The following FHIT variants were observed in gnomAD, a reference collection of about 807,000 sequenced individuals.
The protein encoded by FHIT is bis(5'-adenosyl)-triphosphatase.
FHIT carries 19 observed loss-of-function variants against 17.9 expected under a neutral mutation model. The observed-to-expected ratio is 1.06, with a 90% CI of 0.74 to 1.56. FHIT has a LOEUF of 1.56. Among genes scored for constraint, FHIT ranks in the 40% most tolerant of loss-of-function variants. The probability of loss-of-function intolerance (pLI) is 0.00; values close to 1 mark genes in which losing one functional copy is unlikely to be tolerated. For synonymous variants in FHIT, 81 were observed against 69.7 expected, an observed-to-expected ratio of 1.16 and a Z score of -0.81; for missense variants, 248 against 189.2, an observed-to-expected ratio of 1.31 and a Z score of -1.82.
At chr3:60,685,538 T>A (rs1466279509) in intron 4 of FHIT, among the ~76,000 whole-genome samples, 1 of 152,170 alleles carries the variant, frequency 6.6e-6, no homozygotes, top group Non-Finnish European at 1.5e-5. Context: ...TGGAGCCATA[T>A]AGAAAATGGT....
intron 3 of FHIT, among the ~76,000 whole-genome samples, chr3:61,027,233 C>T (rs569979452): frequency 6.6e-6 from 1 of 152,098 alleles, no homozygotes; most frequent in East Asian, 1.9e-4. Flanking sequence ...ATTACAGGCG[C>T]CTGCCACCAT....
chr3:60,282,713 G>A (rs1948560), intron 5 of FHIT, among the ~76,000 whole-genome samples: 38,890 of 151,958 alleles, frequency 0.26, 5,682 homozygotes, highest in East Asian at 0.69. Flanking sequence ...AAATGTTATG[G>A]TAAGTCTCTC....
At chr3:59,806,662 A>G (rs1304941885) in intron 8 of FHIT, among the ~76,000 whole-genome samples, 1 of 26,538 alleles carries the variant, frequency 3.8e-5, no homozygotes, top group Non-Finnish European at 1.0e-4. Context: ...ATATATGTAT[A>G]CATATATATG....
At chr3:60,060,251 TAAAG>T (rs1702246043) in intron 5 of FHIT, among the ~76,000 whole-genome samples, 1 of 152,154 alleles carries the variant, frequency 6.6e-6, no homozygotes, top group African/African-American at 2.4e-5. Context: ...AGTTTCTCTG[TAAAG>T]AAAGAAAATC....
At chr3:59,846,868 A>G (rs1397742978) in intron 8 of FHIT, among the ~76,000 whole-genome samples, 1 of 151,994 alleles carries the variant, frequency 6.6e-6, no homozygotes, top group African/African-American at 2.4e-5. Flanking sequence ...TTATTGGCTG[A>G]CAGTTTTTTT....
chr3:60,107,384 T>C (rs927871601), intron 5 of FHIT, among the ~76,000 whole-genome samples: 11 of 152,180 alleles, frequency 7.2e-5, no homozygotes, highest in Admixed American at 6.5e-4. Context: ...AATAACCTAC[T>C]GTTAAAACAC....
intron 5 of FHIT, among the ~76,000 whole-genome samples, chr3:60,458,761 G>A (rs918637231): frequency 6.6e-6 from 1 of 151,844 alleles, no homozygotes; most frequent in Admixed American, 6.6e-5. Flanking sequence ...ATGATATGGG[G>A]GCTATGTGCA....
At chr3:60,618,463 T>C (rs1442804477) in intron 4 of FHIT, among the ~76,000 whole-genome samples, 1 of 152,076 alleles carries the variant, frequency 6.6e-6, no homozygotes, top group African/African-American at 2.4e-5. Context: ...GGCCCCAGTG[T>C]GTGTTGTTCC....
At chr3:59,910,371 CTT>C (rs1704811266) in intron 8 of FHIT, among the ~76,000 whole-genome samples, 1 of 152,186 alleles carries the variant, frequency 6.6e-6, no homozygotes, top group Admixed American at 6.5e-5. Flanking sequence ...AGAGGGGTGA[CTT>C]TTAATAGAAT....
At chr3:60,607,197 C>T (rs2038635598) in intron 4 of FHIT, among the ~76,000 whole-genome samples, 1 of 152,118 alleles carries the variant, frequency 6.6e-6, no homozygotes, top group African/African-American at 2.4e-5. Flanking sequence ...TAAAGCCCTT[C>T]TCCCAGCTGA....
intron 4 of FHIT, among the ~76,000 whole-genome samples, chr3:60,688,206 A>G (rs1464581068): frequency 2.6e-5 from 4 of 152,148 alleles, no homozygotes; most frequent in Non-Finnish European, 5.9e-5. Context: ...TCTTTTCAAC[A>G]TATCAGGTAC....
At chr3:60,139,688 CA>C (rs1559669449) in intron 5 of FHIT, among the ~76,000 whole-genome samples, 1 of 152,076 alleles carries the variant, frequency 6.6e-6, no homozygotes, top group Non-Finnish European at 1.5e-5. Flanking sequence ...GAACATAGCA[CA>C]GTGCCTGGCC....
intron 5 of FHIT, among the ~76,000 whole-genome samples, chr3:60,017,418 C>G (rs1365457251): frequency 6.6e-6 from 1 of 152,126 alleles, no homozygotes; most frequent in African/African-American, 2.4e-5. Context: ...GCATTTTGCC[C>G]CTTCTCATCC....
intron 3 of FHIT, among the ~76,000 whole-genome samples, chr3:60,955,493 T>A (rs1369694112): frequency 1.3e-5 from 2 of 151,642 alleles, no homozygotes; most frequent in African/African-American, 4.9e-5. Context: ...ATGGAAGAAG[T>A]TAGGAAGCAC....
At chr3:60,029,928 T>TGTGTGTGTGA (rs56924673) in intron 5 of FHIT, among the ~76,000 whole-genome samples, 2,225 of 150,974 alleles carry the variant, frequency 0.015, 55 homozygotes, top group African/African-American at 0.049. Flanking sequence ...TGTGTGTGTG[T>TGTGTGTGTGA]ACAAATGTGA....
At chr3:60,931,277 A>C (rs941846130) in intron 3 of FHIT, among the ~76,000 whole-genome samples, 1 of 152,198 alleles carries the variant, frequency 6.6e-6, no homozygotes, top group African/African-American at 2.4e-5. Flanking sequence ...TGATGAGTTA[A>C]TGGGTGCAGC....
At chr3:60,163,380 C>G (rs1448958593) in intron 5 of FHIT, among the ~76,000 whole-genome samples, 1 of 152,138 alleles carries the variant, frequency 6.6e-6, no homozygotes, top group East Asian at 1.9e-4. Flanking sequence ...TGTGAAAAGC[C>G]TGCATGACCC....
intron 5 of FHIT, among the ~76,000 whole-genome samples, chr3:60,304,640 AAC>A (rs370046581): frequency 5.7e-4 from 87 of 152,220 alleles, no homozygotes; most frequent in South Asian, 4.8e-3. Flanking sequence ...TAAATAATAA[AAC>A]AGTTTTAGTA....
chr3:61,029,219 T>A (rs1467447993), intron 3 of FHIT, among the ~76,000 whole-genome samples: 1 of 152,204 alleles, frequency 6.6e-6, no homozygotes, highest in African/African-American at 2.4e-5. Flanking sequence ...TAATTGTTGT[T>A]AAATACTAAC....
Sources: allele counts gnomAD v4.1 joint callset (sites outside exome capture counted in the v4.1 genomes callset), GRCh38; gene constraint gnomAD v4.1.1; transcripts MANE v1.5; gene names NCBI Gene and HGNC (gene_info 2026-07-23, HGNC 2026-07-21).